TENM2: variants seen among roughly 807,000 people sequenced by gnomAD.
The protein encoded by TENM2 is teneurin transmembrane protein 2.
TENM2 carries 52 observed loss-of-function variants against 245.2 expected under a neutral mutation model. The observed-to-expected ratio is 0.21, with a 90% CI of 0.17 to 0.27. The LOEUF (loss-of-function observed/expected upper bound fraction) is 0.27. Ranked by LOEUF, TENM2 falls within the 10% of genes least tolerant of loss-of-function variation. The pLI is 1.00. For synonymous variants in TENM2, 1,363 were observed against 1,438.9 expected (o/e 0.95, Z 1.19); for missense variants, 3,046 against 3,666.8 (o/e 0.83, Z 4.37).
intron 10 of TENM2, among the ~76,000 whole-genome samples, chr5:168,123,976 C>G (rs1298524650): frequency 1.3e-5 from 2 of 152,236 alleles, no homozygotes; most frequent in Admixed American, 6.5e-5. Context: ...TCCTCAAGAA[C>G]TGGCCTTTGC....
At chr5:167,519,643 T>C (rs1473767289) in intron 2 of TENM2, among the ~76,000 whole-genome samples, 2 of 152,192 alleles carry the variant, frequency 1.3e-5, no homozygotes, top group Non-Finnish European at 2.9e-5. Context: ...TTTCATTTTG[T>C]ATACCTCTAA....
chr5:167,639,072 T>A (rs1345999513), intron 2 of TENM2, among the ~76,000 whole-genome samples: 1 of 152,176 alleles, frequency 6.6e-6, no homozygotes, highest in East Asian at 1.9e-4. Context: ...TAAGCTCCAA[T>A]CCTCTTGCTA....
chr5:167,642,545 T>G (rs1231185271), intron 2 of TENM2, among the ~76,000 whole-genome samples: 4 of 152,098 alleles, frequency 2.6e-5, no homozygotes, highest in African/African-American at 7.2e-5. Flanking sequence ...ACACACACAC[T>G]CATGCGCACT....
At chr5:168,214,705 A>G (rs563657917) in intron 20 of TENM2, 21 of 433,552 alleles carry the variant, frequency 4.8e-5, no homozygotes, top group African/African-American at 4.0e-4. Flanking sequence ...AGGAGACTGC[A>G]CACACATGGA....
At chr5:167,070,871 A>G in the TENM2 span, among the ~76,000 whole-genome samples, 1 of 152,126 alleles carries the variant, frequency 6.6e-6, no homozygotes, top group Non-Finnish European at 1.5e-5. Flanking sequence ...TAATTATATT[A>G]TGTAGAATAA....
chr5:167,631,971 C>T (rs1364578177), intron 2 of TENM2, among the ~76,000 whole-genome samples: 4 of 152,132 alleles, frequency 2.6e-5, no homozygotes, highest in African/African-American at 9.7e-5. Flanking sequence ...ATTCTCTCAG[C>T]CCCTGCCATG....
intron 2 of TENM2, among the ~76,000 whole-genome samples, chr5:167,587,047 C>T (rs1300631247): frequency 6.6e-6 from 1 of 152,162 alleles, no homozygotes; most frequent in Non-Finnish European, 1.5e-5. Context: ...AATCCTATTA[C>T]CATCCCATTA....
chr5:168,142,890 A>G (rs559351547), intron 12 of TENM2, among the ~76,000 whole-genome samples: 5 of 152,342 alleles, frequency 3.3e-5, no homozygotes, highest in African/African-American at 1.2e-4. Flanking sequence ...GGCTGGCTTG[A>G]GACTCCCCTG....
the TENM2 span, among the ~76,000 whole-genome samples, chr5:167,213,117 G>A: frequency 6.6e-6 from 1 of 152,176 alleles, no homozygotes; most frequent in South Asian, 2.1e-4. Context: ...AATACCTGGT[G>A]TTTCGTATCG....
intron 2 of TENM2, among the ~76,000 whole-genome samples, chr5:167,484,303 C>T (rs1202462390): frequency 1.3e-5 from 2 of 152,140 alleles, no homozygotes; most frequent in Admixed American, 1.3e-4. Context: ...CATTTGTAGA[C>T]AGAGTCTTTC....
intron 2 of TENM2, among the ~76,000 whole-genome samples, chr5:167,600,039 G>T (rs1016768192): frequency 1.1e-5 from 1 of 89,786 alleles, no homozygotes; most frequent in Admixed American, 1.3e-4. Flanking sequence ...CCAGCTACTC[G>T]AGAGGCTGAG....
chr5:167,571,033 A>T (rs903697670), intron 2 of TENM2, among the ~76,000 whole-genome samples: 1 of 152,216 alleles, frequency 6.6e-6, no homozygotes, highest in Non-Finnish European at 1.5e-5. Context: ...GCTTGTAAAG[A>T]GGGTCAGAGT....
chr5:167,996,739 G>GTTTGTTTGTTTT, intron 5 of TENM2, among the ~76,000 whole-genome samples: 1 of 152,164 alleles, frequency 6.6e-6, no homozygotes, highest in East Asian at 1.9e-4. Flanking sequence ...TTGTTTGTTT[G>GTTTGTTTGTTTT]TTTGTTTTTG....
At chr5:167,713,368 G>A (rs559695399) in intron 2 of TENM2, among the ~76,000 whole-genome samples, 28 of 150,834 alleles carry the variant, frequency 1.9e-4, no homozygotes, top group African/African-American at 6.6e-4. Flanking sequence ...GGCTGAGAGC[G>A]CTCTCACTTC....
chr5:167,585,034 TACTC>T (rs1269295572), intron 2 of TENM2, among the ~76,000 whole-genome samples: 6 of 152,182 alleles, frequency 3.9e-5, no homozygotes, highest in African/African-American at 9.7e-5. Context: ...AATATATAAA[TACTC>T]ACAATGTATG....
At chr5:167,353,243 T>C (rs1175995462) in intron 1 of TENM2, among the ~76,000 whole-genome samples, 1 of 148,492 alleles carries the variant, frequency 6.7e-6, no homozygotes, top group Non-Finnish European at 1.5e-5. Flanking sequence ...CATGTCTTTA[T>C]ATAAACTATA....
intron 27 of TENM2, among the ~76,000 whole-genome samples, chr5:168,254,979 A>G (rs62385591): frequency 0.45 from 68,808 of 151,512 alleles, 17,366 homozygotes; most frequent in South Asian, 0.59. Context: ...CCTGGGAGGC[A>G]GAGGTTGCAG....
chr5:168,025,938 G>T (rs961636141), intron 5 of TENM2, among the ~76,000 whole-genome samples: 2 of 152,136 alleles, frequency 1.3e-5, no homozygotes, highest in Admixed American at 1.3e-4. Flanking sequence ...CTCCAAAGGC[G>T]GAACTCCTAT....
chr5:167,479,561 T>G (rs1767624662), intron 2 of TENM2, among the ~76,000 whole-genome samples: 1 of 152,194 alleles, frequency 6.6e-6, no homozygotes, highest in Non-Finnish European at 1.5e-5. Flanking sequence ...GGATTTAAAA[T>G]ATTATTACCT....
Sources: allele counts gnomAD v4.1 joint callset (sites outside exome capture counted in the v4.1 genomes callset), GRCh38; gene constraint gnomAD v4.1.1; transcripts MANE v1.5; gene names NCBI Gene and HGNC (gene_info 2026-07-23, HGNC 2026-07-21).